The following OCM variants were observed in gnomAD, a reference collection of about 807,000 sequenced individuals.
The protein encoded by OCM is oncomodulin.
A neutral mutation model predicts 14.1 loss-of-function variants in OCM; 18 were observed. That is an observed-to-expected ratio of 1.28 (90% confidence interval 0.88 to 1.89). The LOEUF is 1.89. Among genes scored for constraint, OCM ranks in the 40% most tolerant of loss-of-function variants. The probability of loss-of-function intolerance (pLI) is 0.00; values close to 1 mark genes in which losing one functional copy is unlikely to be tolerated. For missense variants in OCM, 140 were observed against 137.6 expected (o/e 1.02, Z -0.09); for synonymous variants, 48 against 51.0 (o/e 0.94, Z 0.25).
At chr7:5,881,398 G>C (rs10246596) in intron 1 of OCM, among the ~76,000 whole-genome samples, 46,003 of 151,136 alleles carry the variant, frequency 0.3, 7,566 homozygotes, top group Admixed American at 0.4. Context: ...AAGGTGAGAG[G>C]ACTGTTTGAG....
rs60321561 is a variant in OCM, at chr7:5,882,085, CAAAAAAAAAAAAAA to C, written c.62-387_62-374del. Among the ~76,000 whole-genome samples, 7 of 45,970 alleles carry C rather than the reference CAAAAAAAAAAAAAA, an allele frequency of 1.5e-4. No homozygotes were observed. In the South Asian group the frequency reaches 7.4e-3, roughly 49 times the overall value. 30.2% of individuals were successfully genotyped at this position (45,970 alleles called of 152,430 possible). On this transcript the variant is annotated intron_variant, in intron 1 of 3. Coordinates refer to ENST00000242104, the MANE Select transcript of OCM (RefSeq NM_001097622.2). ...CTGGTGACAGAGTGAGACTCTGTCT[CAAAAAAAAAAAAAA>C]AAAAAAAAAAAAAAAAAAAAGCGCC...
chr7:5,886,244 G>A lies in OCM; in HGVS notation c.*155G>A, dbSNP rs114366092. On this transcript the variant is annotated 3_prime_UTR_variant, in exon 4 of 4. Coordinates refer to ENST00000242104, the MANE Select transcript of OCM (RefSeq NM_001097622.2). ...TTGCTCATTGTTTTAGTGAGGTCAC[G>A]AGGGAGTCACTCCTGACTTTCTTGG... 23 of 1,096,320 alleles carry A rather than the reference G, an allele frequency of 2.1e-5. No individual in the cohort carries two copies. The highest frequency in any genetic ancestry group is 7.9e-5 in the African/African-American group (5 of 63,556). The allele number at this position is 1,096,320 out of a possible 1,614,324, so 67.9% of individuals were successfully genotyped here.
Position 5,886,054 on chromosome 7 carries a change from T to C in OCM, c.305-10T>C. 6.2e-7 allele frequency: 1 copy of C among 1,614,122 alleles called. No individual in the cohort carries two copies. The highest frequency in any genetic ancestry group is 1.3e-5 in the African/African-American group (1 of 75,024). On this transcript the variant is annotated splice_polypyrimidine_tract_variant and intron_variant, in intron 3 of 3. Transcript: ENST00000242104. ...CTCCACTGACCCTGTTCTCACCTCT[T>C]CTGTTCTAGAATTCCAGGAAATGGT...
the OCM span, among the ~76,000 whole-genome samples, chr7:5,867,569 A>T: frequency 1.3e-5 from 2 of 151,790 alleles, no homozygotes; most frequent in Non-Finnish European, 2.9e-5. Context: ...TTATTTCTTC[A>T]AATATTTTTC....
the OCM span, among the ~76,000 whole-genome samples, chr7:5,873,987 G>T: frequency 7.3e-5 from 11 of 151,322 alleles, no homozygotes; most frequent in African/African-American, 2.7e-4. Context: ...AGGCTGAGGG[G>T]GGCGGACTAC....
At chr7:5,864,209 C>T in the OCM span, among the ~76,000 whole-genome samples, 9,556 of 151,406 alleles carry the variant, frequency 0.063, 655 homozygotes, top group East Asian at 0.27. Flanking sequence ...CATGGTGGTG[C>T]ATGCCTGTGG....
intron 3 of OCM, among the ~76,000 whole-genome samples, chr7:5,884,584 T>C (rs1781295057): frequency 1.3e-5 from 2 of 152,146 alleles, no homozygotes; most frequent in African/African-American, 4.8e-5. Flanking sequence ...TGTAGGACTA[T>C]TTTCACTTGA....
chr7:5,886,241 C>T lies in OCM; in HGVS notation c.*152C>T, dbSNP rs1032253012. 2 of 1,116,712 alleles carry T rather than the reference C, an allele frequency of 1.8e-6. No individual in the cohort carries two copies. The highest frequency in any genetic ancestry group is 3.1e-5 in the African/African-American group (2 of 64,062). The allele number at this position is 1,116,712 out of a possible 1,614,324, so 69.2% of individuals were successfully genotyped here. A position where few individuals can be genotyped will look rare whatever the true frequency, so the allele number is the denominator to read the frequency against. Reference sequence around the variant, plus strand: ...AGTTTGCTCATTGTTTTAGTGAGGTCACGAGGGAGTCACTCCTGACTTTCT... The same window carrying T: ...AGTTTGCTCATTGTTTTAGTGAGGTTACGAGGGAGTCACTCCTGACTTTCT... On this transcript the variant is annotated 3_prime_UTR_variant, in exon 4 of 4. Coordinates refer to ENST00000242104, the MANE Select transcript of OCM (RefSeq NM_001097622.2).
the OCM span, among the ~76,000 whole-genome samples, chr7:5,865,025 G>A: frequency 1.3e-5 from 2 of 152,088 alleles, no homozygotes; most frequent in Non-Finnish European, 2.9e-5. Flanking sequence ...AAGACCTGTG[G>A]AAGACAGCGG....
the OCM span, among the ~76,000 whole-genome samples, chr7:5,863,547 T>C: frequency 4.0e-5 from 6 of 150,280 alleles, no homozygotes; most frequent in African/African-American, 7.4e-5. Flanking sequence ...TTTTTTTTTT[T>C]CTCAAGATGG....
chr7:5,865,681 G>A, the OCM span, among the ~76,000 whole-genome samples: 2 of 152,144 alleles, frequency 1.3e-5, no homozygotes, highest in African/African-American at 4.8e-5. Flanking sequence ...ATCACCTCTA[G>A]CGATGGGAGA....
chr7:5,879,853 C>T (rs1005385628), upstream of OCM: 3 of 151,678 alleles, frequency 2.0e-5, no homozygotes, highest in African/African-American at 7.3e-5. Flanking sequence ...GTAACTATCA[C>T]TTTTTCTAGC....
the OCM span, among the ~76,000 whole-genome samples, chr7:5,871,160 A>G: frequency 7.1e-6 from 1 of 140,880 alleles, no homozygotes; most frequent in Non-Finnish European, 1.5e-5. Flanking sequence ...CAGCCTGGGC[A>G]ACATAGTGAG....
At chr7:5,885,143 C>A (rs7778165) in intron 3 of OCM, among the ~76,000 whole-genome samples, 6 of 149,670 alleles carry the variant, frequency 4.0e-5, no homozygotes, top group African/African-American at 1.5e-4. Context: ...AAAACATAAC[C>A]ATGAAGGATT....
At chr7:5,876,433 G>A (rs1781097046), upstream of OCM, among the ~76,000 whole-genome samples, 1 of 152,314 alleles carries the variant, frequency 6.6e-6, no homozygotes. Context: ...TTACAGGCAT[G>A]AGCCACCACA....
At chr7:5,866,344 G>C in the OCM span, among the ~76,000 whole-genome samples, 1 of 121,334 alleles carries the variant, frequency 8.2e-6, no homozygotes, top group African/African-American at 3.6e-5. Context: ...GAGTGGGGGG[G>C]AGAGGGAGGG....
upstream of OCM, among the ~76,000 whole-genome samples, chr7:5,877,130 G>A (rs1177673867): frequency 1.3e-5 from 2 of 152,024 alleles, no homozygotes; most frequent in Admixed American, 6.6e-5. Context: ...CTAAGCCACT[G>A]TATGTTTCTG....
the OCM span, among the ~76,000 whole-genome samples, chr7:5,864,138 A>C: frequency 6.6e-6 from 1 of 151,812 alleles, no homozygotes. Flanking sequence ...CCATGAGTGC[A>C]AGACCAGCCT....
chr7:5,860,489 GTA>G, the OCM span, among the ~76,000 whole-genome samples: 16 of 96,890 alleles, frequency 1.7e-4, no homozygotes, highest in South Asian at 9.2e-4. Flanking sequence ...ATATATACGT[GTA>G]TATATATATT....
Sources: allele counts gnomAD v4.1 joint callset (sites outside exome capture counted in the v4.1 genomes callset), GRCh38; gene constraint gnomAD v4.1.1; transcripts MANE v1.5; gene names NCBI Gene and HGNC (gene_info 2026-07-23, HGNC 2026-07-21).